RNF180: variants seen among roughly 807,000 people sequenced by gnomAD.
RNF180 encodes E3 ubiquitin-protein ligase RNF180.
In RNF180, 38 loss-of-function variants were observed where a neutral mutation model predicts 59.2. The ratio of observed to expected loss-of-function variants is 0.64; its 90% CI spans 0.50 to 0.84. The LOEUF (loss-of-function observed/expected upper bound fraction) is 0.84. RNF180 is among the 40% of genes least tolerant of loss of function. RNF180 has a pLI of 0.00. For missense variants in RNF180, 705 were observed against 700.9 expected, an observed-to-expected ratio of 1.01 and a Z score of -0.07; for synonymous variants, 262 against 240.3, an observed-to-expected ratio of 1.09 and a Z score of -0.84.
chr5:64,254,197 A>G (rs1743778592), intron 5 of RNF180, among the ~76,000 whole-genome samples: 1 of 152,202 alleles, frequency 6.6e-6, no homozygotes, highest in East Asian at 1.9e-4. Context: ...TAAAATCTCT[A>G]GGAAGCTAAA....
chr5:64,303,721 C>G (rs1234551477), intron 5 of RNF180, among the ~76,000 whole-genome samples: 1 of 151,556 alleles, frequency 6.6e-6, no homozygotes, highest in Non-Finnish European at 1.5e-5. Flanking sequence ...GTCTCTATAA[C>G]AAAAAAGTGC....
chr5:64,248,911 A>G (rs1212873202), intron 5 of RNF180, among the ~76,000 whole-genome samples: 1 of 152,250 alleles, frequency 6.6e-6, no homozygotes, highest in South Asian at 2.1e-4. Context: ...ACATCATGGA[A>G]TACAATGCAG....
At chr5:64,264,054 A>G (rs536440478) in intron 5 of RNF180, among the ~76,000 whole-genome samples, 1 of 152,080 alleles carries the variant, frequency 6.6e-6, no homozygotes, top group East Asian at 1.9e-4. Flanking sequence ...ATAGTAGTCT[A>G]ACTTTCCTCA....
intron 1 of RNF180, among the ~76,000 whole-genome samples, chr5:64,171,955 G>T (rs1223384809): frequency 6.6e-6 from 1 of 152,126 alleles, no homozygotes; most frequent in Non-Finnish European, 1.5e-5. Context: ...TCACAGAGTT[G>T]GGTAACATCT....
chr5:64,194,888 G>T (rs923136672), intron 1 of RNF180, among the ~76,000 whole-genome samples: 4 of 152,230 alleles, frequency 2.6e-5, no homozygotes, highest in Admixed American at 2.0e-4. Context: ...AGTTTTAAAA[G>T]AAATTTTCAT....
chr5:64,253,611 A>C (rs894509857), intron 5 of RNF180, among the ~76,000 whole-genome samples: 1 of 152,108 alleles, frequency 6.6e-6, no homozygotes. Context: ...GCTTCATTCC[A>C]TTAAACTGTT....
intron 1 of RNF180, among the ~76,000 whole-genome samples, chr5:64,190,549 G>A (rs975146657): frequency 1.2e-4 from 19 of 152,152 alleles, no homozygotes; most frequent in African/African-American, 4.3e-4. Context: ...AAGAGGACAT[G>A]AATTTGGGGG....
intron 1 of RNF180, among the ~76,000 whole-genome samples, chr5:64,189,125 T>C (rs1410262160): frequency 6.6e-6 from 1 of 152,062 alleles, no homozygotes; most frequent in East Asian, 1.9e-4. Context: ...AATACCTTGA[T>C]CTTAGACTTT....
At chr5:64,358,642 C>T (rs887531390) in intron 7 of RNF180, among the ~76,000 whole-genome samples, 1 of 150,140 alleles carries the variant, frequency 6.7e-6, no homozygotes, top group Non-Finnish European at 1.5e-5. Context: ...TTTAAGAATT[C>T]TATTTTTTTT....
chr5:64,192,030 A>G (rs999410570), intron 1 of RNF180, among the ~76,000 whole-genome samples: 2 of 152,054 alleles, frequency 1.3e-5, no homozygotes, highest in African/African-American at 4.8e-5. Context: ...TTTTCTCACC[A>G]TCATTTGTTG....
intron 6 of RNF180, among the ~76,000 whole-genome samples, chr5:64,329,121 C>A (rs1744780303): frequency 6.6e-6 from 1 of 152,128 alleles, no homozygotes; most frequent in South Asian, 2.1e-4. Flanking sequence ...AAAATTACCT[C>A]AAGTATATAG....
chr5:64,255,434 G>A (rs1247580261), intron 5 of RNF180, among the ~76,000 whole-genome samples: 1 of 152,076 alleles, frequency 6.6e-6, no homozygotes, highest in East Asian at 1.9e-4. Flanking sequence ...CCACCTATGA[G>A]TGAGAACATG....
At chr5:64,170,431 G>C (rs942181725) in intron 1 of RNF180, among the ~76,000 whole-genome samples, 1 of 152,140 alleles carries the variant, frequency 6.6e-6, no homozygotes, top group African/African-American at 2.4e-5. Flanking sequence ...AAGCAGTTGT[G>C]TTCGGGGTGT....
intron 1 of RNF180, among the ~76,000 whole-genome samples, chr5:64,193,360 T>G (rs1561179327): frequency 6.6e-6 from 1 of 152,142 alleles, no homozygotes; most frequent in East Asian, 1.9e-4. Context: ...GTACCTTGAT[T>G]GTGGTGGTAG....
chr5:64,366,389 A>T (rs963760761), intron 7 of RNF180, among the ~76,000 whole-genome samples: 1 of 151,504 alleles, frequency 6.6e-6, no homozygotes, highest in African/African-American at 2.4e-5. Context: ...TGCCTTTAAC[A>T]CTTTTTATTT....
intron 1 of RNF180, among the ~76,000 whole-genome samples, chr5:64,180,674 T>C (rs1250783236): frequency 6.6e-6 from 1 of 152,124 alleles, no homozygotes; most frequent in East Asian, 1.9e-4. Flanking sequence ...CCTCAAGATA[T>C]AAACAACCTG....
chr5:64,273,062 C>T (rs1741508051), intron 5 of RNF180, among the ~76,000 whole-genome samples: 4 of 151,802 alleles, frequency 2.6e-5, no homozygotes, highest in Admixed American at 2.6e-4. Flanking sequence ...AGCCAAAACC[C>T]ACCAAAACCA....
In RNF180 at chr5:64,190,315, A is replaced by G. The variant is rs1221152181; in HGVS notation, c.1-10493A>G. ...TCTCCCTTTTAGAATGGGAATGGCA[A>G]CCCTATGCATGTGCCACCATTGTAT... On this transcript the variant is annotated intron_variant, in intron 1 of 7. Coordinates refer to ENST00000389100, the MANE Select transcript of RNF180 (RefSeq NM_001113561.2). 2.0e-5 allele frequency among the ~76,000 whole-genome samples: 3 copies of G among 152,154 alleles called. No homozygotes were observed. In the East Asian group the frequency reaches 5.8e-4, roughly 29 times the overall value.
At chr5:64,339,737 TAC>T (rs1407572517) in intron 7 of RNF180, among the ~76,000 whole-genome samples, 5 of 152,024 alleles carry the variant, frequency 3.3e-5, no homozygotes, top group African/African-American at 1.2e-4. Flanking sequence ...GACAAACAGT[TAC>T]AGATTTTCCA....
Sources: allele counts gnomAD v4.1 joint callset (sites outside exome capture counted in the v4.1 genomes callset), GRCh38; gene constraint gnomAD v4.1.1; transcripts MANE v1.5; gene names NCBI Gene and HGNC (gene_info 2026-07-23, HGNC 2026-07-21).